USP37: variants seen among roughly 807,000 people sequenced by gnomAD.
USP37 encodes the protein ubiquitin specific peptidase 37, also known as ubiquitin carboxyl-terminal hydrolase 37.
Under a neutral mutation model 124.0 loss-of-function variants are expected in USP37, and 27 were observed. The observed-to-expected ratio is 0.22, with a 90% CI of 0.16 to 0.30. The LOEUF is 0.30. USP37 is among the 10% of genes least tolerant of loss of function. USP37 has a pLI of 1.00. For synonymous variants in USP37, 365 were observed against 388.0 expected (o/e 0.94, Z 0.70); for missense variants, 889 against 1,140.4 (o/e 0.78, Z 3.17).
intron 3 of USP37, among the ~76,000 whole-genome samples, chr2:218,559,436 G>A (rs964670682): frequency 6.6e-6 from 1 of 152,092 alleles, no homozygotes; most frequent in Non-Finnish European, 1.5e-5. Flanking sequence ...AAGCATATCC[G>A]TATGTACAGA....
intron 14 of USP37, among the ~76,000 whole-genome samples, chr2:218,494,800 A>C (rs898444231): frequency 6.6e-6 from 1 of 152,242 alleles, no homozygotes; most frequent in Non-Finnish European, 1.5e-5. Flanking sequence ...AGTCCTGATA[A>C]GTATGGAAAT....
chr2:218,480,370 G>A (rs1691198208), intron 17 of USP37, among the ~76,000 whole-genome samples: 2 of 131,958 alleles, frequency 1.5e-5, no homozygotes, highest in African/African-American at 6.0e-5. Context: ...CTGCACTCCA[G>A]CCTGGGCGAC....
chr2:218,510,926 C>T (rs557207668), intron 10 of USP37, among the ~76,000 whole-genome samples: 1 of 151,928 alleles, frequency 6.6e-6, no homozygotes, highest in Admixed American at 6.6e-5. Flanking sequence ...GCCTGGGAGG[C>T]AGAGGTTGCA....
intron 8 of USP37, among the ~76,000 whole-genome samples, chr2:218,543,831 CAA>C (rs559137867): frequency 6.7e-6 from 1 of 149,502 alleles, no homozygotes; most frequent in Non-Finnish European, 1.5e-5. Context: ...AAAAAACAAA[CAA>C]AAAAAAAAAC....
At position 218,488,306 on chromosome 2, in the gene USP37, T is replaced by C; in HGVS notation, c.1588A>G (p.Arg530Gly). ...AAAATACAAAAGATATTATTTACCC[T>C]AAAGAAAAGATCAAGAGAATCTTGA... ...SIQDSLDLFFRAEELEYSCEK... is the reference protein window; with the variant it reads ...SIQDSLDLFFGAEELEYSCEK... Residue 530 changes from arginine to glycine, a missense_variant and splice_region_variant, in exon 15 of 26, where the codon AGG (arginine) becomes GGG (glycine). Arg to Gly is a moderately radical substitution (Grantham distance 125). Around this residue, in one of 3 missense-constraint regions of USP37, gnomAD observed 504 missense variants for 714.3 expected, o/e 0.71. Coordinates refer to ENST00000258399, the MANE Select transcript of USP37 (RefSeq NM_020935.3). 6.3e-7 allele frequency: 1 copy of C among 1,577,926 alleles called. No individual in the cohort carries two copies. Among genetic ancestry groups the C allele is most frequent in the Non-Finnish European group, 8.7e-7 (1 of 1,155,096 alleles).
chr2:218,555,167 G>T (rs751068206), intron 4 of USP37, among the ~76,000 whole-genome samples: 2 of 152,124 alleles, frequency 1.3e-5, no homozygotes, highest in African/African-American at 2.4e-5. Flanking sequence ...AATAATTCCT[G>T]CCAGTCAGGC....
In USP37 at chr2:218,474,856, G is replaced by C. The variant is rs1412736251; in HGVS notation, c.2073C>G (p.Asp691Glu). The C allele has an allele frequency of 5.6e-6, 9 of 1,613,798 alleles. No homozygotes were observed. The highest frequency in any genetic ancestry group is 1.3e-5 in the African/African-American group (1 of 74,900). ...KDSKLCPIEP[D>E]KSELENSGFD... ...ATCCTGAGTTTTCCAATTCAGACTT[G>C]TCAGGCTCTATTGGGCATAATTTTG... Residue 691 changes from aspartate to glutamate, a missense_variant, in exon 20 of 26, where the codon GAC (aspartate) becomes GAG (glutamate). Asp to Glu is a conservative substitution (Grantham distance 45). Transcript: ENST00000258399.
chr2:218,474,569 C>T, intron 20 of USP37, 61 bp downstream of exon 20: 1 of 1,589,122 alleles, frequency 6.3e-7, no homozygotes, highest in South Asian at 1.2e-5. Flanking sequence ...TTATTTGTCA[C>T]TACAAAACTT....
At chr2:218,473,434 G>T (rs1384748300) in intron 20 of USP37, among the ~76,000 whole-genome samples, 1 of 152,152 alleles carries the variant, frequency 6.6e-6, no homozygotes, top group East Asian at 1.9e-4. Flanking sequence ...GTTAAATGGG[G>T]ATATACTAAT....
chr2:218,458,267 A>C (rs1280868163), intron 23 of USP37, among the ~76,000 whole-genome samples: 6 of 149,670 alleles, frequency 4.0e-5, no homozygotes, highest in African/African-American at 7.3e-5. Context: ...AAAAAAAAAA[A>C]AAAAAAAAAC....
chr2:218,524,679 G>A (rs777498521), intron 10 of USP37, among the ~76,000 whole-genome samples: 24 of 152,080 alleles, frequency 1.6e-4, no homozygotes, highest in South Asian at 6.2e-4. Flanking sequence ...GCGCGTTTTC[G>A]GCTCACTGCA....
Position 218,476,934 on chromosome 2 carries a change from G to A in USP37, c.1949C>T (p.Ser650Leu), listed in dbSNP as rs1304801033. ...SKSSLALCLD[S>L]DSEDELKRSV... Reference sequence around the variant, plus strand: ...ACGTTTTAGCTCATCCTCACTGTCTGAATCAAGGCATAAAGCCAAGGAGCT... The same window carrying A: ...ACGTTTTAGCTCATCCTCACTGTCTAAATCAAGGCATAAAGCCAAGGAGCT... The change falls in exon 19 of 26, where the codon TCA becomes TTA. Residue 650 changes from serine (S) to leucine (L), a missense_variant. Ser to Leu is a moderately radical substitution (Grantham distance 145). Around this residue, in one of 3 missense-constraint regions of USP37, gnomAD observed 504 missense variants for 714.3 expected, o/e 0.71. Coordinates refer to ENST00000258399, the MANE Select transcript of USP37 (RefSeq NM_020935.3). 3.8e-6 allele frequency: 6 copies of A among 1,595,830 alleles called. No individual in the cohort carries two copies. Among genetic ancestry groups the A allele is most frequent in the African/African-American group, 1.4e-5 (1 of 73,730 alleles).
chr2:218,458,650 G>C (rs1173472565), intron 23 of USP37, among the ~76,000 whole-genome samples: 1 of 152,102 alleles, frequency 6.6e-6, no homozygotes, highest in Admixed American at 6.6e-5. Context: ...TATTATCATA[G>C]TGAAAAATTA....
chr2:218,463,238 T>C, intron 22 of USP37, 68 bp downstream of exon 22: 1 of 1,299,040 alleles, frequency 7.7e-7, no homozygotes, highest in Admixed American at 1.7e-5. Flanking sequence ...ACACTTTCTT[T>C]ATATGTTCTT....
chr2:218,457,143 A>G lies in USP37; in HGVS notation c.2662T>C (p.Ser888Pro), dbSNP rs748765249. 6.2e-7 allele frequency: 1 copy of G among 1,613,956 alleles called. No individual in the cohort carries two copies. The highest frequency in any genetic ancestry group is 8.5e-7 in the Non-Finnish European group (1 of 1,179,966). Residue 888 changes from serine to proline, a missense_variant, in exon 24 of 26, where the codon TCG becomes CCG. Physicochemically the swap from Ser to Pro is moderately conservative, Grantham distance 74. This residue lies in a region of USP37 where 504 missense variants were observed against 714.3 expected (regional missense o/e 0.71). Transcript: ENST00000258399. ...CTGACAACACTGATGAGCCGGTACG[A>G]ATGAGGCAGATTTCCTGTCTGGAAA... is the stretch of plus-strand genomic sequence containing the variant. ...RNAETGNLPH[S>P]YRLISVVSHI...
At chr2:218,497,945 ATT>A in intron 12 of USP37, 79 bp downstream of exon 12, 3 of 1,571,736 alleles carry the variant, frequency 1.9e-6, no homozygotes, top group South Asian at 2.4e-5. Context: ...GGCACAGAAA[ATT>A]TTTGAGTGTC....
intron 11 of USP37, among the ~76,000 whole-genome samples, chr2:218,501,510 C>A (rs1172855840): frequency 6.6e-6 from 1 of 152,032 alleles, no homozygotes; most frequent in Non-Finnish European, 1.5e-5. Context: ...GAAAACTGGA[C>A]AAAATAGAGA....
At chr2:218,501,201 G>A (rs569222850) in intron 11 of USP37, among the ~76,000 whole-genome samples, 1 of 151,964 alleles carries the variant, frequency 6.6e-6, no homozygotes, top group African/African-American at 2.4e-5. Context: ...CACCATGCCA[G>A]GCTAATTTTG....
chr2:218,527,846 T>C (rs1691068658), intron 10 of USP37, among the ~76,000 whole-genome samples: 1 of 152,218 alleles, frequency 6.6e-6, no homozygotes, highest in Non-Finnish European at 1.5e-5. Flanking sequence ...TCAAATTCTT[T>C]ACCTTAATCA....
Sources: allele counts gnomAD v4.1 joint callset (sites outside exome capture counted in the v4.1 genomes callset), GRCh38; gene constraint gnomAD v4.1.1; regional missense constraint gnomAD v4.1.1; transcripts MANE v1.5; gene names NCBI Gene and HGNC (gene_info 2026-07-23, HGNC 2026-07-21).